GRIP1: variants seen among roughly 807,000 people sequenced by gnomAD.
GRIP1 encodes the protein glutamate receptor-interacting protein 1.
GRIP1 carries 45 observed loss-of-function variants against 129.9 expected under a neutral mutation model. The observed-to-expected ratio is 0.35, with a 90% confidence interval of 0.27 to 0.44. The LOEUF (loss-of-function observed/expected upper bound fraction) is 0.44. GRIP1 is among the 20% of genes least tolerant of loss of function. The probability of loss-of-function intolerance (pLI) is 1.00; values close to 1 mark genes in which losing one functional copy is unlikely to be tolerated. For synonymous variants in GRIP1, 530 were observed against 520.8 expected (o/e 1.02, Z -0.24); for missense variants, 1,196 against 1,396.8 (o/e 0.86, Z 2.29).
At chr12:66,437,560 G>A (rs2058347893) in intron 13 of GRIP1, among the ~76,000 whole-genome samples, 1 of 152,152 alleles carries the variant, frequency 6.6e-6, no homozygotes, top group Non-Finnish European at 1.5e-5. Flanking sequence ...AGTAAGCTGG[G>A]TACTGAACAA....
At chr12:66,619,143 T>C (rs1380200318) in intron 1 of GRIP1, among the ~76,000 whole-genome samples, 1 of 152,032 alleles carries the variant, frequency 6.6e-6, no homozygotes, top group Non-Finnish European at 1.5e-5. Flanking sequence ...CAAAATAAGA[T>C]AAACTAGAAC....
chr12:66,384,041 T>G (rs1023080770), intron 19 of GRIP1, among the ~76,000 whole-genome samples: 3 of 152,218 alleles, frequency 2.0e-5, no homozygotes, highest in African/African-American at 7.2e-5. Context: ...CTGATGACAC[T>G]GTGGAGTTAC....
intron 1 of GRIP1, among the ~76,000 whole-genome samples, chr12:67,039,961 C>G (rs186885021): frequency 1.3e-5 from 2 of 152,264 alleles, no homozygotes; most frequent in East Asian, 3.9e-4. Flanking sequence ...TCTTTTTCCA[C>G]CTAGTCTAGT....
chr12:66,970,694 G>A (rs2042062991), intron 1 of GRIP1, among the ~76,000 whole-genome samples: 2 of 152,014 alleles, frequency 1.3e-5, no homozygotes, highest in Non-Finnish European at 2.9e-5. Context: ...GGTAAGGAGT[G>A]GGGAAGGGAA....
intron 1 of GRIP1, among the ~76,000 whole-genome samples, chr12:66,656,567 C>T (rs541689837): frequency 5.9e-5 from 9 of 152,034 alleles, no homozygotes; most frequent in East Asian, 3.9e-4. Context: ...TCTTATGGTA[C>T]GGCATATTTC....
intron 1 of GRIP1, among the ~76,000 whole-genome samples, chr12:66,733,968 T>C (rs2036517430): frequency 6.6e-6 from 1 of 151,832 alleles, no homozygotes; most frequent in African/African-American, 2.4e-5. Context: ...CATGGATGCT[T>C]ATTGCTTTTT....
intron 1 of GRIP1, among the ~76,000 whole-genome samples, chr12:66,610,650 C>T (rs568123999): frequency 6.6e-6 from 1 of 152,262 alleles, no homozygotes; most frequent in African/African-American, 2.4e-5. Flanking sequence ...TGCCATATGA[C>T]ATTCAGAGAT....
intron 1 of GRIP1, among the ~76,000 whole-genome samples, chr12:66,900,241 C>T (rs2040822696): frequency 6.6e-6 from 1 of 152,130 alleles, no homozygotes; most frequent in South Asian, 2.1e-4. Flanking sequence ...GGTTTGTTTC[C>T]TCTTCAGATA....
At chr12:67,013,515 GA>G (rs2042739684) in intron 1 of GRIP1, among the ~76,000 whole-genome samples, 4 of 152,082 alleles carry the variant, frequency 2.6e-5, no homozygotes, top group Admixed American at 2.6e-4. Flanking sequence ...TGAAAATTAG[GA>G]AGAAAGCAGA....
intron 1 of GRIP1, among the ~76,000 whole-genome samples, chr12:66,625,307 A>G (rs1164080189): frequency 6.6e-6 from 1 of 152,088 alleles, no homozygotes; most frequent in Non-Finnish European, 1.5e-5. Flanking sequence ...GTTTTCCCCA[A>G]ACTGAACTGA....
rs549868695 is a variant in GRIP1, at chr12:66,935,214, GT to G, written c.58+133835del. Among the ~76,000 whole-genome samples, 8 of 152,154 alleles carry G rather than the reference GT, an allele frequency of 5.3e-5. No individual in the cohort carries two copies. In the South Asian group the frequency reaches 6.2e-4, roughly 12 times the overall value. On this transcript the variant is annotated intron_variant, in intron 1 of 1. Coordinates refer to the GRIP1 transcript ENST00000643019. ...TATAATAAAATTTATAAACCAAACA[GT>G]TTTTAAGTTTCTGTTTGTTGTATAA...
At chr12:66,990,977 CAA>C (rs373022223) in intron 1 of GRIP1, among the ~76,000 whole-genome samples, 20 of 102,510 alleles carry the variant, frequency 2.0e-4, no homozygotes, top group Admixed American at 2.2e-4. Context: ...AACTCCGTCG[CAA>C]AAAAAAAAAA....
chr12:66,723,926 G>A (rs2036174256), intron 1 of GRIP1, among the ~76,000 whole-genome samples: 2 of 152,136 alleles, frequency 1.3e-5, no homozygotes, highest in African/African-American at 4.8e-5. Context: ...TAGAGGGAAA[G>A]ATGAGTTAGG....
At chr12:67,010,203 T>C (rs1289594106) in intron 1 of GRIP1, among the ~76,000 whole-genome samples, 2 of 152,084 alleles carry the variant, frequency 1.3e-5, no homozygotes, top group Non-Finnish European at 1.5e-5. Flanking sequence ...ATAGGTAATA[T>C]AAAAGAAAAA....
chr12:66,394,079 A>G (rs2056698885), intron 17 of GRIP1, 129 bp downstream of exon 17: 2 of 949,620 alleles, frequency 2.1e-6, no homozygotes, highest in Non-Finnish European at 3.4e-6. Context: ...AGGCTCTAAG[A>G]TCAATCCTTT....
chr12:67,047,265 T>A (rs1345539939), intron 1 of GRIP1, among the ~76,000 whole-genome samples: 1 of 152,174 alleles, frequency 6.6e-6, no homozygotes, highest in African/African-American at 2.4e-5. Context: ...TAATGACAAT[T>A]GAGTTTAATG....
At chr12:66,600,313 GAGA>G (rs1322486918) in intron 1 of GRIP1, among the ~76,000 whole-genome samples, 1 of 152,112 alleles carries the variant, frequency 6.6e-6, no homozygotes, top group Non-Finnish European at 1.5e-5. Flanking sequence ...TTTCATTGGA[GAGA>G]TACTAAATAG....
rs1242431840 is a variant in GRIP1, at chr12:66,792,301, C to T, written c.-420+11752G>A. ...GCAGTGCAGTAGCATGATCATGGCT[C>T]ACTACAGCCTTGACCTCCTGGGCTC... On this transcript the variant is annotated intron_variant, in intron 1 of 4. Transcript: ENST00000538373. 2.0e-5 allele frequency among the ~76,000 whole-genome samples: 3 copies of T among 152,226 alleles called. No individual in the cohort carries two copies. In the South Asian group the frequency reaches 6.2e-4, roughly 32 times the overall value.
chr12:66,883,708 C>T (rs901217854), intron 1 of GRIP1, among the ~76,000 whole-genome samples: 1 of 152,094 alleles, frequency 6.6e-6, no homozygotes, highest in African/African-American at 2.4e-5. Flanking sequence ...ACTGTCATCC[C>T]GATGTAAATA....
Sources: gnomAD v4.1 joint callset for allele counts (sites outside exome capture counted in the v4.1 genomes callset) on GRCh38, gnomAD v4.1.1 for gene constraint, MANE v1.5 for transcripts, NCBI Gene and HGNC (gene_info 2026-07-23, HGNC 2026-07-21) for gene names.